Variants in ZNF469 observed in about 807,000 individuals in gnomAD.
ZNF469 encodes the protein zinc finger protein 469.
ZNF469 carries 1 observed loss-of-function variant against 1.0 expected under a neutral mutation model. The observed-to-expected ratio is 1.00, with a 90% CI of 0.35 to 4.73. The LOEUF (loss-of-function observed/expected upper bound fraction) is 4.73, where lower values mean the gene tolerates loss of function less well. Among genes scored for constraint, ZNF469 ranks in the 30% most tolerant of loss-of-function variants. The pLI, the probability that ZNF469 is intolerant of heterozygous loss-of-function variation, is 0.16. For missense variants in ZNF469, 6,100 were observed against 5,356.3 expected (o/e 1.14, Z -4.33); for synonymous variants, 2,703 against 2,363.4 (o/e 1.14, Z -4.17).
intron 1 of ZNF469, among the ~76,000 whole-genome samples, chr16:88,392,865 A>C (rs757896085): frequency 1.3e-5 from 2 of 151,488 alleles, no homozygotes; most frequent in African/African-American, 2.4e-5. Flanking sequence ...TCCCTCCCCA[A>C]CCTCCCTTGC....
chr16:88,163,557 A>T, the ZNF469 span, among the ~76,000 whole-genome samples: 1 of 132,992 alleles, frequency 7.5e-6, no homozygotes, highest in Admixed American at 7.4e-5. Flanking sequence ...TGGGCAGATG[A>T]GTGGGTGAGT....
At chr16:88,177,874 ATCT>A in the ZNF469 span, 2 of 151,966 alleles carry the variant, frequency 1.3e-5, no homozygotes, top group Non-Finnish European at 2.9e-5. The surrounding 1 kb of genome is among the most constrained non-coding windows in gnomAD (Gnocchi z 4.8). Context: ...CACCCGGCTA[ATCT>A]TTTTTGTATT....
rs1489877632 is a variant in ZNF469, at chr16:88,431,346, C to T, written c.3876C>T (p.Ser1292=). Residue 1292 remains serine (S), a synonymous_variant, in exon 3 of 3, where the codon AGC becomes AGT. Coordinates refer to ENST00000565624, the MANE Select transcript of ZNF469 (RefSeq NM_001367624.2). ...TCGCCAACACGGCGCCCCACGGAAG[C>T]TCGCCAACGCCAGGTGTGGGCAGCC... is the stretch of plus-strand genomic sequence containing the variant. ...GSLANTAPHG[S]SPTPGVGSLL... is the part of the protein sequence containing the mutation. 6.5e-7 allele frequency: 1 copy of T among 1,549,544 alleles called. No homozygotes were observed. The highest frequency in any genetic ancestry group is 2.4e-5 in the East Asian group (1 of 40,902).
intron 1 of ZNF469, among the ~76,000 whole-genome samples, chr16:88,383,634 G>T (rs940293739): frequency 8.0e-5 from 12 of 150,606 alleles, no homozygotes; most frequent in African/African-American, 2.9e-4. Flanking sequence ...CGGGGCTGCG[G>T]GGAGCGGGGC....
chr16:88,117,803 G>T, the ZNF469 span, among the ~76,000 whole-genome samples: 1 of 152,222 alleles, frequency 6.6e-6, no homozygotes, highest in Non-Finnish European at 1.5e-5. Flanking sequence ...TGGACCTGTC[G>T]GAGTGACTGT....
the ZNF469 span, among the ~76,000 whole-genome samples, chr16:88,134,058 A>G: frequency 1.3e-5 from 2 of 152,180 alleles, no homozygotes; most frequent in African/African-American, 4.8e-5. Flanking sequence ...AGATTGTGCC[A>G]CTGCACTCCA....
the ZNF469 span, among the ~76,000 whole-genome samples, chr16:88,200,851 C>A: frequency 6.6e-6 from 1 of 152,256 alleles, no homozygotes; most frequent in East Asian, 1.9e-4. Context: ...CAAAGGGGTC[C>A]CCGCCCTCCC....
At chr16:88,115,074 A>G in the ZNF469 span, among the ~76,000 whole-genome samples, 3 of 152,284 alleles carry the variant, frequency 2.0e-5, no homozygotes, top group East Asian at 5.8e-4. Context: ...CCGCAGGGAA[A>G]CGCAGGTGGT....
the ZNF469 span, among the ~76,000 whole-genome samples, chr16:88,151,741 G>T: frequency 6.6e-6 from 1 of 152,246 alleles, no homozygotes; most frequent in African/African-American, 2.4e-5. The surrounding 1 kb of genome is among the most constrained non-coding windows in gnomAD (Gnocchi z 5.4). Context: ...GGTCGAGAAG[G>T]ATCCTCGTTC....
chr16:88,383,737 G>A (rs1475404312), intron 1 of ZNF469, among the ~76,000 whole-genome samples: 9 of 151,832 alleles, frequency 5.9e-5, no homozygotes, highest in Admixed American at 5.9e-4. Context: ...TGCTGGCCCC[G>A]CGGCGCTCCG....
the ZNF469 span, among the ~76,000 whole-genome samples, chr16:88,282,409 G>A: frequency 3.3e-4 from 51 of 152,266 alleles, no homozygotes; most frequent in African/African-American, 1.1e-3. Context: ...TGGGTGTGGC[G>A]GGGAGGCTGA....
chr16:88,414,197 C>T (rs1032138668), intron 1 of ZNF469, among the ~76,000 whole-genome samples: 3 of 152,222 alleles, frequency 2.0e-5, no homozygotes, highest in African/African-American at 7.2e-5. Context: ...ACCTTGGGAG[C>T]CCAAAGCCCC....
intron 1 of ZNF469, among the ~76,000 whole-genome samples, chr16:88,400,175 G>T (rs1904814289): frequency 6.6e-6 from 1 of 152,224 alleles, no homozygotes; most frequent in South Asian, 2.1e-4. Context: ...GTGAGGACGG[G>T]CACCCAGCAA....
At chr16:88,412,173 C>T (rs1010895914) in intron 1 of ZNF469, among the ~76,000 whole-genome samples, 15 of 152,166 alleles carry the variant, frequency 9.9e-5, no homozygotes, top group African/African-American at 2.7e-4. Context: ...CCAGGCCCAC[C>T]GTCCCAGGCC....
chr16:88,195,538 G>T, the ZNF469 span, among the ~76,000 whole-genome samples: 4 of 152,202 alleles, frequency 2.6e-5, no homozygotes, highest in Non-Finnish European at 2.9e-5. Flanking sequence ...TCCTGGCCAA[G>T]AGACAAGGTT....
At chr16:88,303,033 T>A in the ZNF469 span, among the ~76,000 whole-genome samples, 1 of 152,196 alleles carries the variant, frequency 6.6e-6, no homozygotes. Context: ...CATTTGCCTT[T>A]CAGAGGTTGG....
intron 2 of ZNF469, among the ~76,000 whole-genome samples, chr16:88,426,849 C>T (rs1905723670): frequency 6.6e-6 from 1 of 152,150 alleles, no homozygotes. Flanking sequence ...TGCCTCAGTC[C>T]CCTATGTCCT....
chr16:88,167,651 G>A, the ZNF469 span, among the ~76,000 whole-genome samples: 106 of 152,278 alleles, frequency 7.0e-4, 1 homozygote, highest in African/African-American at 2.2e-3. Flanking sequence ...ACCCAGCCCC[G>A]GGGGAAGTCC....
At position 88,433,803 on chromosome 16, in the gene ZNF469, C is replaced by T. The variant is rs1039243677; in HGVS notation, c.6333C>T (p.Ala2111=). The stretch of plus-strand genomic sequence containing the variant: ...CAGCACCCTCTGTCGGGGACCTGGC[C>T]GCCTGCGCCCCCTCACCCACTTCAG... ...DSPAPSVGDL[A]ACAPSPTSAA... Residue 2111 remains alanine, a synonymous_variant, in exon 3 of 3, where the codon GCC becomes GCT. Coordinates refer to ENST00000565624, the MANE Select transcript of ZNF469 (RefSeq NM_001367624.2). 15 of 1,549,662 alleles carry T rather than the reference C, an allele frequency of 9.7e-6. No individual in the cohort carries two copies. Among genetic ancestry groups the T allele is most frequent in the East Asian group, 7.3e-5 (3 of 40,916 alleles).
Sources: gnomAD v4.1 joint callset for allele counts (sites outside exome capture counted in the v4.1 genomes callset) on GRCh38, gnomAD v4.1.1 for gene constraint, Gnocchi (gnomAD v3.1) non-coding constraint, MANE v1.5 for transcripts, NCBI Gene and HGNC (gene_info 2026-07-23, HGNC 2026-07-21) for gene names.